Variants in TENM1 observed in about 807,000 individuals in gnomAD.
The protein encoded by TENM1 is teneurin-1.
A neutral mutation model predicts 174.8 loss-of-function variants in TENM1; 35 were observed. The observed-to-expected ratio is 0.20, with a 90% CI of 0.15 to 0.27. TENM1 has a LOEUF of 0.27. TENM1 is among the 10% of genes least tolerant of loss of function. TENM1 has a pLI of 1.00. For synonymous variants in TENM1, 781 were observed against 798.7 expected, an observed-to-expected ratio of 0.98 and a Z score of 0.37; for missense variants, 1,633 against 2,130.1, an observed-to-expected ratio of 0.77 and a Z score of 4.59.
At position 124,421,132 on chromosome X, in the gene TENM1, C is replaced by T. The variant is rs960957392; in HGVS notation, c.4472-311G>A. Among the ~76,000 whole-genome samples the T allele has an allele frequency of 2.7e-5, 3 of 111,735 alleles. No homozygotes were observed. The East Asian group carries it at 8.4e-4, about 31-fold the overall frequency. On this transcript the variant is annotated intron_variant, in intron 24 of 31. Transcript: ENST00000422452. ...AGAACTGCAAATAATGATAGCCACA[C>T]AAAATTTGGCTGGAAATCTGAGAGT...
At chrX:125,074,861 T>G in the TENM1 span, among the ~76,000 whole-genome samples, 2 of 111,806 alleles carry the variant, frequency 1.8e-5, no homozygotes, top group Non-Finnish European at 3.8e-5. Context: ...CTGTCACTCA[T>G]CATTAAAACT....
At chrX:124,960,142 C>T (rs926755924) in intron 1 of TENM1, among the ~76,000 whole-genome samples, 1 of 112,030 alleles carries the variant, frequency 8.9e-6, no homozygotes, top group African/African-American at 3.2e-5. Context: ...TGGGCATGCG[C>T]GACTTCACAA....
In TENM1 at chrX:124,705,255, T is replaced by A. The variant is rs2052872532; in HGVS notation, c.777-4A>T. 1 of 1,169,268 alleles carries A rather than the reference T, an allele frequency of 8.6e-7. No individual in the cohort carries two copies. The highest frequency in any genetic ancestry group is 2.4e-5 in the Admixed American group (1 of 41,663). ...TCCATGTTTGAACAGGAAATGCCTG[T>A]GAAAAGGAAACACAAGTTTGGGCTA... is the stretch of plus-strand genomic sequence containing the variant. On this transcript the variant is annotated splice_polypyrimidine_tract_variant and splice_region_variant and intron_variant, in intron 4 of 31. Transcript: ENST00000422452.
chrX:124,835,567 G>T (rs2056375529), intron 3 of TENM1, among the ~76,000 whole-genome samples: 1 of 111,489 alleles, frequency 9.0e-6, no homozygotes, highest in Non-Finnish European at 1.9e-5. Context: ...GAATGAATTT[G>T]TTACAACGTT....
At chrX:124,469,455 T>C (rs1336489590) in intron 22 of TENM1, among the ~76,000 whole-genome samples, 1 of 111,012 alleles carries the variant, frequency 9.0e-6, no homozygotes, top group Non-Finnish European at 1.9e-5. Context: ...TCAAAATAAA[T>C]TTGAGCCCAT....
At chrX:124,379,418 T>A (rs890690403) in exon 32 of TENM1, 1 of 112,360 alleles carries the variant, frequency 8.9e-6, no homozygotes, top group Non-Finnish European at 1.9e-5. Flanking sequence ...GAAAGATAAA[T>A]CTAAGTGGGC....
In TENM1 at chrX:124,801,394, C is replaced by CA. The variant is rs776960257; in HGVS notation, c.536-64198dup. Reference sequence around the variant, plus strand: ...TTTGTTGGTTTAAAGTCTGTCTTGTCAGAGACTAGGATTGCAATCCCTGCT... The same window carrying CA: ...TTTGTTGGTTTAAAGTCTGTCTTGTCAAGAGACTAGGATTGCAATCCCTGCT... On this transcript the variant is annotated intron_variant, in intron 3 of 31. Transcript: ENST00000422452. 4.3e-4 allele frequency among the ~76,000 whole-genome samples: 48 copies of CA among 111,728 alleles called. No individual in the cohort carries two copies. In the South Asian group the frequency reaches 0.018, roughly 42 times the overall value.
At chrX:124,516,647 C>CA (rs1477537634) in intron 18 of TENM1, among the ~76,000 whole-genome samples, 1 of 110,789 alleles carries the variant, frequency 9.0e-6, no homozygotes, top group African/African-American at 3.3e-5. Flanking sequence ...TTAAAAAAGT[C>CA]AAAAAATAAT....
chrX:125,032,998 C>G, the TENM1 span, among the ~76,000 whole-genome samples: 3 of 111,897 alleles, frequency 2.7e-5, no homozygotes, highest in African/African-American at 9.7e-5. Flanking sequence ...TGAGGGAGCA[C>G]TTATCCCAAA....
rs141167845 is a variant in TENM1, at chrX:124,748,315, T to C, written c.536-11118A>G. 3.6e-3 allele frequency among the ~76,000 whole-genome samples: 397 copies of C among 110,504 alleles called. 2 individuals carry two copies. The highest frequency in any genetic ancestry group is 0.012 in the African/African-American group (370 of 30,345). On this transcript the variant is annotated intron_variant, in intron 3 of 31. Coordinates refer to ENST00000422452, the Ensembl canonical transcript of TENM1. ...TCATAGGGCTTTCTAGTGATAAACA[T>C]ACAAAATGGGTTGCATGTCAAGGTA...
intron 15 of TENM1, among the ~76,000 whole-genome samples, chrX:124,533,681 A>C (rs1388539678): frequency 8.9e-6 from 1 of 112,060 alleles, no homozygotes; most frequent in Non-Finnish European, 1.9e-5. Context: ...TTTCAATTCA[A>C]TAATATATAG....
At chrX:124,873,344 G>A (rs2057142412) in intron 3 of TENM1, among the ~76,000 whole-genome samples, 1 of 111,446 alleles carries the variant, frequency 9.0e-6, no homozygotes, top group Non-Finnish European at 1.9e-5. Flanking sequence ...CTATGATAAT[G>A]TAAGCATGCA....
the TENM1 span, among the ~76,000 whole-genome samples, chrX:125,147,780 A>G: frequency 8.9e-6 from 1 of 111,831 alleles, no homozygotes; most frequent in Admixed American, 9.5e-5. Context: ...ACAAGCAGCC[A>G]AGAGCAAGAG....
intron 14 of TENM1, among the ~76,000 whole-genome samples, chrX:124,561,065 C>T (rs193135276): frequency 2.2e-4 from 24 of 111,597 alleles, no homozygotes; most frequent in African/African-American, 6.5e-4. Flanking sequence ...TAAATTGTCT[C>T]GATGCTATGT....
the TENM1 span, among the ~76,000 whole-genome samples, chrX:125,035,910 T>C: frequency 9.0e-6 from 1 of 110,804 alleles, no homozygotes; most frequent in African/African-American, 3.3e-5. Flanking sequence ...AACAATAGCA[T>C]GTCACTCTCA....
At chrX:125,196,787 T>C in the TENM1 span, among the ~76,000 whole-genome samples, 1 of 111,803 alleles carries the variant, frequency 8.9e-6, no homozygotes, top group South Asian at 3.7e-4. Flanking sequence ...ATTAGTTCAT[T>C]ATCAATAACT....
At chrX:125,109,425 T>C in the TENM1 span, among the ~76,000 whole-genome samples, 7 of 110,479 alleles carry the variant, frequency 6.3e-5, no homozygotes, top group African/African-American at 2.0e-4. Context: ...AGGTTTGTTA[T>C]ATAGGTAAAC....
chrX:124,565,475 A>G, exon 12 of TENM1: 1 of 1,207,895 alleles, frequency 8.3e-7, no homozygotes, highest in East Asian at 3.0e-5. Context: ...AGCGTTCCTC[A>G]CATGTTGGTC....
intron 20 of TENM1, among the ~76,000 whole-genome samples, chrX:124,491,146 C>T (rs1003381538): frequency 2.7e-5 from 3 of 111,881 alleles, no homozygotes; most frequent in Non-Finnish European, 3.8e-5. Context: ...TTTTCACAAA[C>T]GCAGATTTTG....
Sources: allele counts gnomAD v4.1 joint callset (sites outside exome capture counted in the v4.1 genomes callset), GRCh38; gene constraint gnomAD v4.1.1; transcripts MANE v1.5; gene names NCBI Gene and HGNC (gene_info 2026-07-23, HGNC 2026-07-21).